Variants in SFXN5 observed in about 807,000 individuals in gnomAD.
The protein encoded by SFXN5 is sideroflexin-5.
Under a neutral mutation model 50.2 loss-of-function variants are expected in SFXN5, and 43 were observed. The ratio of observed to expected loss-of-function variants is 0.86; its 90% CI spans 0.67 to 1.11. SFXN5 has a LOEUF of 1.11. Ranked by LOEUF, SFXN5 falls within the 50% of genes least tolerant of loss-of-function variation. The probability of loss-of-function intolerance (pLI) is 0.00; values close to 1 mark genes in which losing one functional copy is unlikely to be tolerated. For missense variants in SFXN5, 463 were observed against 454.1 expected, an observed-to-expected ratio of 1.02 and a Z score of -0.18; for synonymous variants, 203 against 185.8, an observed-to-expected ratio of 1.09 and a Z score of -0.75.
In SFXN5 at chr2:72,945,820, GCAGA is replaced by G; in HGVS notation, c.946-725_946-722del. Among the ~76,000 whole-genome samples the G allele has an allele frequency of 6.6e-6, 1 of 151,854 alleles. No individual in the cohort carries two copies. Among genetic ancestry groups the G allele is most frequent in the East Asian group, 1.9e-4 (1 of 5,154 alleles). Reference sequence around the variant, plus strand: ...GACTTTGGCTGGACCCCCAACCACTGCAGACAACCACCCCACCCCTGCCCCCATA... The same window carrying G: ...GACTTTGGCTGGACCCCCAACCACTGCAACCACCCCACCCCTGCCCCCATA... On this transcript the variant is annotated intron_variant, in intron 13 of 13. Transcript: ENST00000272433. The surrounding 1 kb of genome is among the most constrained non-coding windows in gnomAD (Gnocchi z 5.8).
intron 12 of SFXN5, among the ~76,000 whole-genome samples, chr2:72,963,284 A>G (rs1441863367): frequency 6.6e-6 from 1 of 152,166 alleles, no homozygotes; most frequent in African/African-American, 2.4e-5. Flanking sequence ...ACCCCCGGCA[A>G]GTGAAGAGCA....
intron 7 of SFXN5, 150 bp from the exon 8 acceptor site, chr2:73,000,637 T>G: frequency 2.7e-6 from 2 of 742,132 alleles, no homozygotes; most frequent in South Asian, 1.7e-5. Flanking sequence ...TCAGCATGAC[T>G]GACCGTCCTG....
At chr2:73,038,582 C>T (rs1005068303) in intron 3 of SFXN5, among the ~76,000 whole-genome samples, 3 of 152,162 alleles carry the variant, frequency 2.0e-5, no homozygotes, top group Non-Finnish European at 4.4e-5. Context: ...TGAGCTACAT[C>T]GCCCCACTGC....
At chr2:73,014,187 CA>C (rs886800847) in intron 6 of SFXN5, among the ~76,000 whole-genome samples, 6 of 152,112 alleles carry the variant, frequency 3.9e-5, no homozygotes, top group African/African-American at 1.4e-4. Context: ...TTTTTGCTAT[CA>C]TAAACATTGC....
At chr2:73,004,774 G>T (rs902022776) in intron 6 of SFXN5, among the ~76,000 whole-genome samples, 1 of 152,202 alleles carries the variant, frequency 6.6e-6, no homozygotes, top group Non-Finnish European at 1.5e-5. Flanking sequence ...GTCAGGCGGG[G>T]ACCAAAAGCA....
chr2:73,045,016 A>C (rs938409336), intron 2 of SFXN5, among the ~76,000 whole-genome samples: 1 of 152,212 alleles, frequency 6.6e-6, no homozygotes, highest in Non-Finnish European at 1.5e-5. Context: ...CAAAAAGGAA[A>C]GCTGAGGAAG....
intron 6 of SFXN5, among the ~76,000 whole-genome samples, chr2:73,003,276 T>C (rs1215680510): frequency 6.6e-6 from 1 of 152,204 alleles, no homozygotes; most frequent in Non-Finnish European, 1.5e-5. Flanking sequence ...TCCCCTGATC[T>C]GGAGTCTACT....
At chr2:73,015,246 G>C (rs931293337) in intron 6 of SFXN5, among the ~76,000 whole-genome samples, 3 of 152,078 alleles carry the variant, frequency 2.0e-5, no homozygotes, top group Non-Finnish European at 4.4e-5. Context: ...CAGTTTCTCA[G>C]TGTGATCAAC....
intron 3 of SFXN5, among the ~76,000 whole-genome samples, chr2:73,039,355 G>A (rs966223703): frequency 1.3e-5 from 2 of 152,164 alleles, no homozygotes; most frequent in Non-Finnish European, 2.9e-5. Context: ...TGGTACAAAG[G>A]AAAGTATGCC....
At chr2:73,045,420 G>GTC (rs1257273332) in intron 2 of SFXN5, among the ~76,000 whole-genome samples, 1 of 151,978 alleles carries the variant, frequency 6.6e-6, no homozygotes, top group Non-Finnish European at 1.5e-5. Context: ...TGAGTCCAGC[G>GTC]TAACACAGAA....
At chr2:73,024,370 CG>C (rs1456676668) in intron 3 of SFXN5, among the ~76,000 whole-genome samples, 1 of 152,102 alleles carries the variant, frequency 6.6e-6, no homozygotes, top group Admixed American at 6.5e-5. Context: ...TTTACACTGT[CG>C]GGGGGCCAGG....
chr2:72,962,352 G>C (rs140256561), intron 12 of SFXN5, among the ~76,000 whole-genome samples: 117 of 152,360 alleles, frequency 7.7e-4, no homozygotes, highest in African/African-American at 2.7e-3. Flanking sequence ...CAATGTGGCG[G>C]GCAGTAAACC....
intron 1 of SFXN5, 76 bp downstream of exon 1, chr2:73,071,528 A>T: frequency 7.1e-7 from 1 of 1,404,574 alleles, no homozygotes; most frequent in East Asian, 2.5e-5. Flanking sequence ...CCTTGGGCGG[A>T]AGGGGACTTT....
At chr2:73,063,711 G>A (rs770534463) in intron 1 of SFXN5, among the ~76,000 whole-genome samples, 2 of 152,158 alleles carry the variant, frequency 1.3e-5, no homozygotes, top group Admixed American at 6.5e-5. Flanking sequence ...TATAGAGTGA[G>A]ACATGAGTAT....
At chr2:73,037,176 T>C (rs1164926094) in intron 3 of SFXN5, among the ~76,000 whole-genome samples, 1 of 152,158 alleles carries the variant, frequency 6.6e-6, no homozygotes, top group Non-Finnish European at 1.5e-5. Flanking sequence ...CCCCACCTGC[T>C]CTTCACCAGC....
intron 6 of SFXN5, among the ~76,000 whole-genome samples, chr2:73,005,285 C>G (rs1272356709): frequency 6.6e-6 from 1 of 152,218 alleles, no homozygotes; most frequent in Non-Finnish European, 1.5e-5. Context: ...GCCGCTCCAG[C>G]CCCCTGGCAG....
chr2:72,972,131 C>T (rs963817267), intron 10 of SFXN5, among the ~76,000 whole-genome samples: 2 of 152,306 alleles, frequency 1.3e-5, no homozygotes, highest in South Asian at 4.1e-4. Flanking sequence ...ACATCCAGCC[C>T]CTCCTGTCTC....
intron 12 of SFXN5, chr2:72,967,451 A>T (rs941501791): frequency 3.9e-5 from 6 of 152,228 alleles, no homozygotes; most frequent in Non-Finnish European, 5.9e-5. Flanking sequence ...TGGGGTGGTC[A>T]GGGAGGGCCT....
intron 6 of SFXN5, among the ~76,000 whole-genome samples, chr2:73,007,682 C>T (rs566673679): frequency 2.6e-5 from 4 of 152,284 alleles, no homozygotes; most frequent in South Asian, 2.1e-4. Context: ...ATCTCATCCC[C>T]TTCCGCCACA....
Sources: allele counts gnomAD v4.1 joint callset (sites outside exome capture counted in the v4.1 genomes callset), GRCh38; gene constraint gnomAD v4.1.1; non-coding constraint Gnocchi (gnomAD v3.1); transcripts MANE v1.5; gene names NCBI Gene and HGNC (gene_info 2026-07-23, HGNC 2026-07-21).